Variants in ROCK2 observed in about 807,000 individuals in gnomAD.
ROCK2 encodes the protein rho-associated protein kinase 2.
A neutral mutation model predicts 195.1 loss-of-function variants in ROCK2; 61 were observed. The observed-to-expected ratio is 0.31, with a 90% CI of 0.25 to 0.39. The LOEUF (loss-of-function observed/expected upper bound fraction) is 0.39. Among genes scored for constraint, ROCK2 ranks in the 10% least tolerant of loss-of-function variants. The pLI is 1.00. For missense variants in ROCK2, 1,109 were observed against 1,637.4 expected (o/e 0.68, Z 5.57); for synonymous variants, 504 against 545.5 (o/e 0.92, Z 1.06).
At chr2:11,336,369 C>G (rs1668928252) in intron 1 of ROCK2, among the ~76,000 whole-genome samples, 1 of 152,212 alleles carries the variant, frequency 6.6e-6, no homozygotes, top group South Asian at 2.1e-4. Context: ...CCTGCCTCAG[C>G]CTCCTGGGCA....
intron 28 of ROCK2, among the ~76,000 whole-genome samples, chr2:11,194,708 C>G (rs568293167): frequency 2.0e-5 from 3 of 151,948 alleles, no homozygotes; most frequent in Non-Finnish European, 4.4e-5. Context: ...CTTTTCCCAA[C>G]AAAACAGCAA....
intron 1 of ROCK2, among the ~76,000 whole-genome samples, chr2:11,294,233 T>C (rs1558367900): frequency 6.6e-6 from 1 of 151,996 alleles, no homozygotes; most frequent in Non-Finnish European, 1.5e-5. Context: ...GAGCAAAAAA[T>C]CACATTATTG....
At chr2:11,262,172 T>C (rs1666250052) in intron 3 of ROCK2, among the ~76,000 whole-genome samples, 1 of 152,130 alleles carries the variant, frequency 6.6e-6, no homozygotes, top group Non-Finnish European at 1.5e-5. Flanking sequence ...ATAGAAAAGA[T>C]TGCTACATCC....
At chr2:11,221,154 A>G (rs766203651) in intron 9 of ROCK2, 44 bp downstream of exon 9, 2 of 1,401,864 alleles carry the variant, frequency 1.4e-6, no homozygotes, top group Non-Finnish European at 1.9e-6. Flanking sequence ...TCTTATAGCT[A>G]GATTCTAAAA....
At chr2:11,207,645 A>G (rs1664099774) in intron 20 of ROCK2, 81 bp downstream of exon 20, 1 of 1,128,234 alleles carries the variant, frequency 8.9e-7, no homozygotes, top group Admixed American at 2.8e-5. Context: ...AAAATGCTCA[A>G]AAGAAAATCC....
intron 1 of ROCK2, among the ~76,000 whole-genome samples, chr2:11,296,005 GGAGAGA>G (rs70953384): frequency 0.068 from 698 of 10,334 alleles, 22 homozygotes; most frequent in African/African-American, 0.13. Context: ...GAGAGAGAGA[GGAGAGA>G]GAGAGAGAGA....
chr2:11,259,987 G>A (rs1157633531), intron 3 of ROCK2, among the ~76,000 whole-genome samples: 2 of 151,598 alleles, frequency 1.3e-5, no homozygotes, highest in East Asian at 3.9e-4. Context: ...CACAGGTGGG[G>A]AGTGGGAATT....
At chr2:11,194,836 A>G (rs986907309) in intron 28 of ROCK2, 119 bp downstream of exon 28, 17 of 447,736 alleles carry the variant, frequency 3.8e-5, no homozygotes, top group East Asian at 2.8e-4. Flanking sequence ...CCTGAAGTAT[A>G]AACAAGTTCT....
chr2:11,292,154 A>C (rs188368542), intron 1 of ROCK2, among the ~76,000 whole-genome samples: 3 of 152,292 alleles, frequency 2.0e-5, no homozygotes, highest in Admixed American at 2.0e-4. Context: ...TAAATACCGT[A>C]TTAAAAAAAA....
intron 3 of ROCK2, among the ~76,000 whole-genome samples, chr2:11,279,490 A>T (rs1666931096): frequency 6.6e-6 from 1 of 152,214 alleles, no homozygotes; most frequent in African/African-American, 2.4e-5. Context: ...AACAATCATC[A>T]ATGTGTTATA....
chr2:11,295,857 C>A (rs919423533), intron 1 of ROCK2, among the ~76,000 whole-genome samples: 4 of 151,558 alleles, frequency 2.6e-5, no homozygotes, highest in African/African-American at 9.7e-5. Flanking sequence ...CTTGGAAGGC[C>A]GAGGCAGGAC....
intron 9 of ROCK2, among the ~76,000 whole-genome samples, chr2:11,220,120 C>A (rs527638766): frequency 1.3e-5 from 2 of 152,176 alleles, no homozygotes; most frequent in Non-Finnish European, 2.9e-5. Flanking sequence ...TGGGTTCAAG[C>A]GATTCTCCTG....
chr2:11,305,444 TACACACACACACAC>T (rs59533265), intron 1 of ROCK2, among the ~76,000 whole-genome samples: 28 of 150,362 alleles, frequency 1.9e-4, no homozygotes, highest in Non-Finnish European at 3.1e-4. Flanking sequence ...TGTGTGGGTG[TACACACACACACAC>T]ACACACACAC....
intron 20 of ROCK2, among the ~76,000 whole-genome samples, chr2:11,203,563 CAGAG>C (rs1442561919): frequency 3.3e-5 from 5 of 152,036 alleles, no homozygotes; most frequent in Non-Finnish European, 7.4e-5. Flanking sequence ...CAGGAAGACT[CAGAG>C]GGAGCACGTG....
chr2:11,256,662 T>C lies in ROCK2; in HGVS notation c.325-6864A>G, dbSNP rs1024444608. Among the ~76,000 whole-genome samples, 7 of 151,094 alleles carry C rather than the reference T, an allele frequency of 4.6e-5. No homozygotes were observed. The East Asian group carries it at 1.3e-3, about 29-fold the overall frequency. ...CAAATGAATGGAGAAAGATCTACCA[T>C]GCAAACTGCAAGGGTAAAAAAGTTG... On this transcript the variant is annotated intron_variant, in intron 3 of 32. Transcript: ENST00000315872.
At chr2:11,280,431 C>T (rs980392333) in intron 3 of ROCK2, among the ~76,000 whole-genome samples, 1 of 150,004 alleles carries the variant, frequency 6.7e-6, no homozygotes, top group Non-Finnish European at 1.5e-5. Context: ...CTAGACCAGC[C>T]TGGGCAACAT....
intron 1 of ROCK2, among the ~76,000 whole-genome samples, chr2:11,341,254 C>G (rs1669097504): frequency 6.6e-6 from 1 of 152,202 alleles, no homozygotes; most frequent in Non-Finnish European, 1.5e-5. Context: ...GTCTTGGAAT[C>G]CAGCTCTACC....
intron 3 of ROCK2, among the ~76,000 whole-genome samples, chr2:11,267,936 C>T (rs762087756): frequency 1.3e-5 from 2 of 151,736 alleles, no homozygotes; most frequent in Non-Finnish European, 2.9e-5. Context: ...TGTGAGCCAC[C>T]GCGCCTGGCC....
intron 32 of ROCK2, among the ~76,000 whole-genome samples, chr2:11,188,769 G>A (rs1488717072): frequency 2.0e-5 from 3 of 151,556 alleles, no homozygotes; most frequent in Non-Finnish European, 4.4e-5. Flanking sequence ...GACTACAAGT[G>A]CCTGCCACCA....
Sources: gnomAD v4.1 joint callset for allele counts (sites outside exome capture counted in the v4.1 genomes callset) on GRCh38, gnomAD v4.1.1 for gene constraint, MANE v1.5 for transcripts, NCBI Gene and HGNC (gene_info 2026-07-23, HGNC 2026-07-21) for gene names.